The following LDB3 variants were observed in gnomAD, a reference collection of about 807,000 sequenced individuals.
LDB3 encodes LIM domain-binding protein 3.
A neutral mutation model predicts 69.0 loss-of-function variants in LDB3; 49 were observed. The ratio of observed to expected loss-of-function variants is 0.71; its 90% confidence interval spans 0.56 to 0.90. The LOEUF (loss-of-function observed/expected upper bound fraction) is 0.90. Ranked by LOEUF, LDB3 falls within the 40% of genes least tolerant of loss-of-function variation. The probability of loss-of-function intolerance (pLI) is 0.00; values close to 1 mark genes in which losing one functional copy is unlikely to be tolerated. For synonymous variants in LDB3, 387 were observed against 396.2 expected, an observed-to-expected ratio of 0.98 and a Z score of 0.28; for missense variants, 928 against 974.1, an observed-to-expected ratio of 0.95 and a Z score of 0.63.
At chr10:86,708,335 G>C (rs1321298463) in intron 8 of LDB3, among the ~76,000 whole-genome samples, 1 of 152,224 alleles carries the variant, frequency 6.6e-6, no homozygotes, top group Non-Finnish European at 1.5e-5. Context: ...ACATGGGCTG[G>C]GGTGGAGCGG....
intron 13 of LDB3, among the ~76,000 whole-genome samples, chr10:86,726,969 A>G (rs536129999): frequency 1.3e-5 from 2 of 151,628 alleles, no homozygotes; most frequent in South Asian, 4.2e-4. Context: ...GTCATCCCTG[A>G]GAAAGCCCCC....
chr10:86,719,353 C>T (rs1218948355), intron 12 of LDB3, among the ~76,000 whole-genome samples: 1 of 150,730 alleles, frequency 6.6e-6, no homozygotes, highest in East Asian at 1.9e-4. Flanking sequence ...GATAGCACCA[C>T]TGTATTCAGC....
chr10:86,695,827 T>A (rs948058559), intron 7 of LDB3, among the ~76,000 whole-genome samples: 1 of 152,130 alleles, frequency 6.6e-6, no homozygotes, highest in Non-Finnish European at 1.5e-5. Context: ...AGGGCTTGGA[T>A]CTGCGAGGCA....
At chr10:86,691,749 C>T in intron 5 of LDB3, 147 bp from the exon 6 acceptor site, 1 of 901,910 alleles carries the variant, frequency 1.1e-6, no homozygotes. Context: ...AGGTCATGCC[C>T]ATATCTCAGG....
intron 7 of LDB3, among the ~76,000 whole-genome samples, chr10:86,698,154 C>T (rs1846090455): frequency 6.6e-6 from 1 of 152,182 alleles, no homozygotes; most frequent in South Asian, 2.1e-4. Flanking sequence ...ATAATTTTGT[C>T]CTTTTCAAGA....
chr10:86,731,875 T>G (rs1292167310), intron 13 of LDB3, among the ~76,000 whole-genome samples: 2 of 152,112 alleles, frequency 1.3e-5, no homozygotes, highest in Non-Finnish European at 2.9e-5. Context: ...TACAGGCATA[T>G]TAGGTTAAAG....
At chr10:86,713,638 C>T (rs1846753807) in intron 9 of LDB3, among the ~76,000 whole-genome samples, 1 of 152,232 alleles carries the variant, frequency 6.6e-6, no homozygotes, top group Admixed American at 6.5e-5. Flanking sequence ...AGGGATGAAG[C>T]TGCTCTGAAG....
At position 86,668,668 on chromosome 10, in the gene LDB3, G is replaced by A; in HGVS notation, c.-23-1G>A. ...CAACCCTCTCTACCCTTTGTCTGCA[G>A]AGGCGGCCGCTGACAGCACCAGCAT... On this transcript the variant is annotated splice_acceptor_variant, in intron 1 of 13. Coordinates refer to ENST00000361373, the MANE Select transcript of LDB3 (RefSeq NM_007078.3). LOFTEE classifies it low-confidence loss of function (5UTR_SPLICE). The A allele has an allele frequency of 6.3e-7, 1 of 1,598,526 alleles. No homozygotes were observed. The highest frequency in any genetic ancestry group is 8.6e-7 in the Non-Finnish European group (1 of 1,166,594).
Position 86,675,679 on chromosome 10 carries a change from T to G in LDB3, c.94-3688T>G, listed in dbSNP as rs534943098. ...AAAGAAGTATGCTGGTACCTGCAAC[T>G]TTCTTTGAAATGCCCGGCAAATGAG... On this transcript the variant is annotated intron_variant, in intron 2 of 13. Transcript: ENST00000361373. Among the ~76,000 whole-genome samples, 5 of 152,388 alleles carry G rather than the reference T, an allele frequency of 3.3e-5. No homozygotes were observed. In the South Asian group the frequency reaches 1.0e-3, roughly 32 times the overall value.
chr10:86,689,904 C>G (rs530671116), intron 5 of LDB3, among the ~76,000 whole-genome samples: 5 of 152,340 alleles, frequency 3.3e-5, no homozygotes, highest in East Asian at 3.9e-4. Context: ...CCAAGGACTG[C>G]AGGACCTGTT....
At chr10:86,700,541 CA>C (rs1846220069) in intron 7 of LDB3, among the ~76,000 whole-genome samples, 1 of 152,152 alleles carries the variant, frequency 6.6e-6, no homozygotes. Context: ...GGCTGGGGCT[CA>C]GGGGAAAAGA....
At chr10:86,714,954 T>C (rs1421768027) in intron 9 of LDB3, among the ~76,000 whole-genome samples, 2 of 152,150 alleles carry the variant, frequency 1.3e-5, no homozygotes. Context: ...ATGGATCCTA[T>C]CTACCTGGTC....
chr10:86,680,430 C>T (rs1016046245), intron 4 of LDB3, among the ~76,000 whole-genome samples: 6 of 152,260 alleles, frequency 3.9e-5, no homozygotes, highest in Non-Finnish European at 7.3e-5. Flanking sequence ...TGATAGGAAG[C>T]CAGCTTGGGC....
At chr10:86,686,388 G>A (rs1392680473) in intron 5 of LDB3, among the ~76,000 whole-genome samples, 5 of 151,188 alleles carry the variant, frequency 3.3e-5, no homozygotes, top group African/African-American at 1.2e-4. Context: ...CCTACCCCCA[G>A]CCCCATGCCT....
chr10:86,729,409 TC>T (rs1427010923), intron 13 of LDB3, among the ~76,000 whole-genome samples: 1 of 152,204 alleles, frequency 6.6e-6, no homozygotes, highest in East Asian at 1.9e-4. Flanking sequence ...TACCCATCCC[TC>T]TTTTGCTCTA....
At chr10:86,732,786 G>C (rs1266655415) in intron 13 of LDB3, 101 bp from the exon 14 acceptor site, 4 of 885,048 alleles carry the variant, frequency 4.5e-6, no homozygotes, top group South Asian at 2.9e-5. Context: ...TTACAGGACT[G>C]AGCCACCACG....
chr10:86,713,220 A>G (rs1258886136), intron 9 of LDB3, among the ~76,000 whole-genome samples: 1 of 152,086 alleles, frequency 6.6e-6, no homozygotes, highest in African/African-American at 2.4e-5. Context: ...TATGTATTGG[A>G]CACCGCAGGA....
intron 5 of LDB3, among the ~76,000 whole-genome samples, chr10:86,684,406 C>G (rs1398741642): frequency 1.3e-5 from 2 of 152,236 alleles, no homozygotes; most frequent in Non-Finnish European, 2.9e-5. Flanking sequence ...GCAGCCCCCA[C>G]CCCGCCAGGC....
At chr10:86,694,982 G>A (rs1014246983) in intron 7 of LDB3, among the ~76,000 whole-genome samples, 3 of 152,156 alleles carry the variant, frequency 2.0e-5, no homozygotes, top group East Asian at 1.9e-4. Context: ...AAATCCCAGC[G>A]GGGATTCTCA....
Sources: gnomAD v4.1 joint callset for allele counts (sites outside exome capture counted in the v4.1 genomes callset) on GRCh38, gnomAD v4.1.1 for gene constraint, MANE v1.5 for transcripts, NCBI Gene and HGNC (gene_info 2026-07-23, HGNC 2026-07-21) for gene names.